The following THSD4 variants were observed in gnomAD, a reference collection of about 807,000 sequenced individuals.
The protein encoded by THSD4 is thrombospondin type-1 domain-containing protein 4.
A neutral mutation model predicts 119.0 loss-of-function variants in THSD4; 69 were observed. The observed-to-expected ratio is 0.58, with a 90% CI of 0.48 to 0.71. The LOEUF (loss-of-function observed/expected upper bound fraction) is 0.71, where lower values mean the gene tolerates loss of function less well. Among genes scored for constraint, THSD4 ranks in the 30% least tolerant of loss-of-function variants. The pLI is 0.00. For synonymous variants in THSD4, 524 were observed against 540.4 expected (o/e 0.97, Z 0.42); for missense variants, 1,393 against 1,391.1 (o/e 1.00, Z -0.02).
chr15:71,343,882 T>C (rs560869917), intron 6 of THSD4, among the ~76,000 whole-genome samples: 1 of 151,164 alleles, frequency 6.6e-6, no homozygotes, highest in South Asian at 2.1e-4. Context: ...CCAGCTAACT[T>C]TTTGTATTTT....
Position 71,215,254 on chromosome 15 carries a change from G to T in THSD4, c.319G>T (p.Ala107Ser), listed in dbSNP as rs1229125009. Residue 107 changes from alanine to serine, a missense_variant, in exon 4 of 18, where the codon GCG (alanine) becomes TCG (serine). By Grantham distance (99) the Ala-to-Ser change is moderately conservative. Transcript: ENST00000261862. ...CGCCTTCGCGGACCACGTGGTGTCG[G>T]CGGTGCGCACGTCGGTGCCACTGCA... Reference protein sequence around the residue: ...ARAFADHVVSAVRTSVPLHRS... With the variant: ...ARAFADHVVSSVRTSVPLHRS... The T allele has an allele frequency of 6.7e-7, 1 of 1,487,630 alleles. No homozygotes were observed. The highest frequency in any genetic ancestry group is 8.9e-7 in the Non-Finnish European group (1 of 1,125,492). The allele number at this position is 1,487,630 out of a possible 1,614,324, so 92.2% of individuals were successfully genotyped here.
At chr15:71,366,480 C>A (rs1210430723) in intron 6 of THSD4, among the ~76,000 whole-genome samples, 2 of 152,136 alleles carry the variant, frequency 1.3e-5, no homozygotes, top group African/African-American at 4.8e-5. Context: ...GACTCCTCCT[C>A]TCATGGGCTC....
At chr15:71,421,705 AT>A (rs1364290631) in intron 7 of THSD4, among the ~76,000 whole-genome samples, 1 of 151,878 alleles carries the variant, frequency 6.6e-6, no homozygotes, top group African/African-American at 2.4e-5. Context: ...AAATATTGAT[AT>A]TTTTCCCAGG....
chr15:71,747,161 C>T (rs950429088), intron 13 of THSD4, 119 bp downstream of exon 13: 42 of 1,198,782 alleles, frequency 3.5e-5, no homozygotes, highest in Middle Eastern at 5.0e-4. Flanking sequence ...GAACCCGTCC[C>T]GTGGGGGTCT....
intron 8 of THSD4, among the ~76,000 whole-genome samples, chr15:71,723,467 T>G (rs112031999): frequency 1.6e-4 from 24 of 152,334 alleles, no homozygotes; most frequent in African/African-American, 5.5e-4. Context: ...AATTGCCTAT[T>G]TATTATTCTT....
intron 7 of THSD4, among the ~76,000 whole-genome samples, chr15:71,460,418 TA>T (rs2047413898): frequency 6.6e-6 from 1 of 151,566 alleles, no homozygotes; most frequent in Admixed American, 6.6e-5. Context: ...CTCCCCAAAT[TA>T]ATGGATCAGT....
intron 6 of THSD4, among the ~76,000 whole-genome samples, chr15:71,284,889 C>T (rs989670818): frequency 5.3e-5 from 8 of 152,074 alleles, no homozygotes; most frequent in Non-Finnish European, 4.4e-5. Flanking sequence ...CAGTCCTTCC[C>T]CCTCCCCATA....
intron 7 of THSD4, among the ~76,000 whole-genome samples, chr15:71,627,810 A>G (rs143728614): frequency 4.3e-4 from 65 of 152,276 alleles, no homozygotes; most frequent in African/African-American, 1.4e-3. Context: ...GTTTAATTAT[A>G]TGGTGGTTTC....
At chr15:71,679,564 A>G (rs551426691) in intron 8 of THSD4, among the ~76,000 whole-genome samples, 6 of 152,212 alleles carry the variant, frequency 3.9e-5, no homozygotes, top group Admixed American at 6.5e-5. Flanking sequence ...GAGCATTTCA[A>G]TCTGAAGAAG....
intron 7 of THSD4, among the ~76,000 whole-genome samples, chr15:71,458,533 C>G (rs985698704): frequency 6.6e-6 from 1 of 152,164 alleles, no homozygotes; most frequent in African/African-American, 2.4e-5. Flanking sequence ...CTGGTAAGAA[C>G]TCAATAAATG....
At chr15:71,308,490 T>C (rs80197306) in intron 6 of THSD4, among the ~76,000 whole-genome samples, 1 of 152,046 alleles carries the variant, frequency 6.6e-6, no homozygotes, top group African/African-American at 2.4e-5. Context: ...TTTTATTTTG[T>C]TTTCTTTATT....
At chr15:71,581,663 C>T (rs1233137847) in intron 7 of THSD4, among the ~76,000 whole-genome samples, 1 of 152,218 alleles carries the variant, frequency 6.6e-6, no homozygotes, top group East Asian at 1.9e-4. Context: ...AGATCTTACA[C>T]AATTCAGTCT....
chr15:71,261,594 G>A (rs2044400672), intron 6 of THSD4, among the ~76,000 whole-genome samples: 1 of 152,084 alleles, frequency 6.6e-6, no homozygotes, highest in Admixed American at 6.5e-5. Flanking sequence ...TTTGGGGGAT[G>A]GGGTACTTGG....
rs2051284096 is a variant in THSD4 at position 71,660,615 on chromosome 15, T to C, written c.1238T>C (p.Val413Ala). The change falls in exon 8 of 18, where the codon GTT (valine) becomes GCT (alanine). Residue 413 changes from valine to alanine, a missense_variant. By Grantham distance (64) the Val-to-Ala change is moderately conservative. Transcript: ENST00000261862. Reference sequence around the variant, plus strand: ...GGAGGAGACAACACGGGCTGTCAGGTTGTGTCGGGCGTGTTTAAGCATGCC... The same window carrying C: ...GGAGGAGACAACACGGGCTGTCAGGCTGTGTCGGGCGTGTTTAAGCATGCC... ...VCGGDNTGCQ[V>A]VSGVFKHALT... 3 of 1,614,168 alleles carry C rather than the reference T, an allele frequency of 1.9e-6. No homozygotes were observed. The highest frequency in any genetic ancestry group is 2.5e-6 in the Non-Finnish European group (3 of 1,180,028).
At chr15:71,168,453 A>T (rs1236941330) in intron 3 of THSD4, among the ~76,000 whole-genome samples, 1 of 152,202 alleles carries the variant, frequency 6.6e-6, no homozygotes, top group Admixed American at 6.5e-5. Context: ...AACTTTTTAA[A>T]TTAAAAATAT....
intron 1 of THSD4, among the ~76,000 whole-genome samples, chr15:71,118,563 T>C (rs1464673973): frequency 2.0e-5 from 3 of 151,942 alleles, no homozygotes; most frequent in East Asian, 3.9e-4. Context: ...ACTGTCCTCA[T>C]GTTAGTGGCC....
At chr15:71,136,699 T>C (rs1258544522) in intron 1 of THSD4, among the ~76,000 whole-genome samples, 2 of 151,982 alleles carry the variant, frequency 1.3e-5, no homozygotes, top group Non-Finnish European at 2.9e-5. Context: ...AACTGGCGCC[T>C]GCAGTGGGGC....
At chr15:71,329,473 A>G (rs185955863) in intron 6 of THSD4, among the ~76,000 whole-genome samples, 158 of 152,326 alleles carry the variant, frequency 1.0e-3, no homozygotes, top group African/African-American at 3.6e-3. Context: ...GCTTAGAATG[A>G]AACCCTGAAA....
At chr15:71,761,235 G>A (rs2053622695) in intron 15 of THSD4, among the ~76,000 whole-genome samples, 1 of 151,682 alleles carries the variant, frequency 6.6e-6, no homozygotes, top group African/African-American at 2.4e-5. Flanking sequence ...TCTTCTAGTG[G>A]TATTTCTTCT....
Sources: allele counts gnomAD v4.1 joint callset (sites outside exome capture counted in the v4.1 genomes callset), GRCh38; gene constraint gnomAD v4.1.1; transcripts MANE v1.5; gene names NCBI Gene and HGNC (gene_info 2026-07-23, HGNC 2026-07-21).